Variants in SLC24A2 observed in about 807,000 individuals in gnomAD.
SLC24A2 encodes solute carrier family 24 member 2.
Under a neutral mutation model 62.0 loss-of-function variants are expected in SLC24A2, and 36 were observed. The ratio of observed to expected loss-of-function variants is 0.58; its 90% CI spans 0.44 to 0.77. The LOEUF is 0.77. Ranked by LOEUF, SLC24A2 falls within the 30% of genes least tolerant of loss-of-function variation. The pLI, the probability that SLC24A2 is intolerant of heterozygous loss-of-function variation, is 0.00. For missense variants in SLC24A2, 846 were observed against 817.9 expected (o/e 1.03, Z -0.42); for synonymous variants, 358 against 294.0 (o/e 1.22, Z -2.23).
intron 2 of SLC24A2, among the ~76,000 whole-genome samples, chr9:19,660,152 G>A (rs1409851893): frequency 2.0e-5 from 3 of 152,188 alleles, no homozygotes; most frequent in Non-Finnish European, 4.4e-5. Context: ...CAGTGCCTGT[G>A]TCTCTACATA....
In SLC24A2 at chr9:19,632,789, A is replaced by T. The variant is rs1818211577; in HGVS notation, c.931-10490T>A. The stretch of plus-strand genomic sequence containing the variant: ...TAGGAAGTTGGCATTGGTACAATCT[A>T]TGGAACTCATTCAGATTTCACCAGT... On this transcript the variant is annotated intron_variant, in intron 2 of 10. Coordinates refer to ENST00000341998, the MANE Select transcript of SLC24A2 (RefSeq NM_020344.4). The surrounding 1 kb of genome is among the most constrained non-coding windows in gnomAD (Gnocchi z 4.5). 1.3e-5 allele frequency among the ~76,000 whole-genome samples: 2 copies of T among 152,188 alleles called. No homozygotes were observed. Among genetic ancestry groups the T allele is most frequent in the African/African-American group, 4.8e-5 (2 of 41,434 alleles).
intron 2 of SLC24A2, among the ~76,000 whole-genome samples, chr9:19,712,477 G>A (rs529573580): frequency 1.3e-5 from 2 of 152,268 alleles, no homozygotes; most frequent in South Asian, 4.1e-4. Flanking sequence ...ACATCTGCCA[G>A]CAAAGCCAGC....
the SLC24A2 span, among the ~76,000 whole-genome samples, chr9:20,219,256 T>C: frequency 6.6e-6 from 1 of 152,140 alleles, no homozygotes; most frequent in African/African-American, 2.4e-5. Flanking sequence ...GACTCACTCC[T>C]ACCAGCAGGC....
At chr9:20,126,040 G>C in the SLC24A2 span, among the ~76,000 whole-genome samples, 79 of 152,294 alleles carry the variant, frequency 5.2e-4, no homozygotes, top group Non-Finnish European at 9.4e-4. Flanking sequence ...ACCAGGCACT[G>C]TGAGTGCTCA....
chr9:19,654,229 G>A (rs1306736743), intron 2 of SLC24A2, among the ~76,000 whole-genome samples: 1 of 152,156 alleles, frequency 6.6e-6, no homozygotes, highest in East Asian at 1.9e-4. Context: ...TCTTCCACAT[G>A]TTTCTGAGAT....
chr9:19,563,849 C>A (rs923364250), intron 7 of SLC24A2, among the ~76,000 whole-genome samples: 2 of 110,472 alleles, frequency 1.8e-5, no homozygotes, highest in Non-Finnish European at 3.8e-5. Flanking sequence ...TCCCTCCCTC[C>A]CTCCCTCCCT....
chr9:19,570,306 G>C (rs2132836183), intron 7 of SLC24A2, among the ~76,000 whole-genome samples: 1 of 152,204 alleles, frequency 6.6e-6, no homozygotes, highest in South Asian at 2.1e-4. Flanking sequence ...TGCACATGTT[G>C]TCATTTTGGT....
chr9:19,733,541 G>A (rs996972674), intron 2 of SLC24A2, among the ~76,000 whole-genome samples: 4 of 152,120 alleles, frequency 2.6e-5, no homozygotes, highest in Non-Finnish European at 2.9e-5. Context: ...CTCACACCTC[G>A]CTCAGCACCC....
the SLC24A2 span, among the ~76,000 whole-genome samples, chr9:20,109,299 A>C: frequency 2.0e-5 from 3 of 152,342 alleles, no homozygotes; most frequent in African/African-American, 7.2e-5. Context: ...AAAAAAATTA[A>C]CATAGCAAGC....
the SLC24A2 span, among the ~76,000 whole-genome samples, chr9:19,891,897 TC>T: frequency 3.9e-5 from 6 of 152,094 alleles, no homozygotes; most frequent in Non-Finnish European, 8.8e-5. Context: ...AGGCCTCACC[TC>T]CAATATTGGG....
At chr9:19,620,949 C>T (rs1316328728) in intron 3 of SLC24A2, among the ~76,000 whole-genome samples, 1 of 152,160 alleles carries the variant, frequency 6.6e-6, no homozygotes, top group Non-Finnish European at 1.5e-5. Context: ...CCAAAAATGT[C>T]CCATAAGAGA....
intron 2 of SLC24A2, among the ~76,000 whole-genome samples, chr9:19,731,519 G>C (rs1189660575): frequency 1.1e-5 from 1 of 89,056 alleles, no homozygotes; most frequent in African/African-American, 4.6e-5. Flanking sequence ...CTCTCTCCGT[G>C]TGTGTGTGTG....
chr9:19,859,485 C>T, the SLC24A2 span, among the ~76,000 whole-genome samples: 1 of 151,936 alleles, frequency 6.6e-6, no homozygotes, highest in African/African-American at 2.4e-5. Context: ...CACGTGTATC[C>T]CTGAACCTAA....
the SLC24A2 span, among the ~76,000 whole-genome samples, chr9:20,070,986 T>C: frequency 6.6e-6 from 1 of 152,208 alleles, no homozygotes; most frequent in Non-Finnish European, 1.5e-5. Context: ...ACCATCCTCC[T>C]TGATGCTGTT....
At chr9:19,843,463 G>A in the SLC24A2 span, among the ~76,000 whole-genome samples, 2 of 152,220 alleles carry the variant, frequency 1.3e-5, no homozygotes, top group Non-Finnish European at 2.9e-5. Flanking sequence ...AGTGAGCTGA[G>A]ATTTTGCCAT....
chr9:20,269,574 C>T, the SLC24A2 span, among the ~76,000 whole-genome samples: 1 of 152,292 alleles, frequency 6.6e-6, no homozygotes, highest in South Asian at 2.1e-4. Context: ...ATCTGCTTTT[C>T]ATGTACCCCT....
chr9:19,753,045 G>T (rs530607529), intron 2 of SLC24A2, among the ~76,000 whole-genome samples: 4 of 152,312 alleles, frequency 2.6e-5, no homozygotes, highest in South Asian at 4.1e-4. Flanking sequence ...TGATCCCTCA[G>T]GTGCCAGGAG....
the SLC24A2 span, among the ~76,000 whole-genome samples, chr9:20,300,010 G>T: frequency 6.6e-6 from 1 of 152,150 alleles, no homozygotes; most frequent in Non-Finnish European, 1.5e-5. Context: ...TTTATTTCTA[G>T]TACTTCCTGA....
the SLC24A2 span, among the ~76,000 whole-genome samples, chr9:19,805,319 T>C: frequency 5.9e-5 from 9 of 152,172 alleles, no homozygotes; most frequent in East Asian, 3.8e-4. Flanking sequence ...TAAACAGACA[T>C]TTCTTGTGCC....
Sources: allele counts gnomAD v4.1 joint callset (sites outside exome capture counted in the v4.1 genomes callset), GRCh38; gene constraint gnomAD v4.1.1; non-coding constraint Gnocchi (gnomAD v3.1); transcripts MANE v1.5; gene names NCBI Gene and HGNC (gene_info 2026-07-23, HGNC 2026-07-21).